Variants in ADGRA3 observed in about 807,000 individuals in gnomAD.
ADGRA3 encodes the protein adhesion G protein-coupled receptor A3.
ADGRA3 carries 56 observed loss-of-function variants against 119.8 expected under a neutral mutation model. That is an observed-to-expected ratio of 0.47 (90% CI 0.38 to 0.58). The LOEUF (loss-of-function observed/expected upper bound fraction) is 0.58. Ranked by LOEUF, ADGRA3 falls within the 20% of genes least tolerant of loss-of-function variation. The pLI, the probability that ADGRA3 is intolerant of heterozygous loss-of-function variation, is 0.00. For synonymous variants in ADGRA3, 607 were observed against 623.8 expected, an observed-to-expected ratio of 0.97 and a Z score of 0.40; for missense variants, 1,516 against 1,649.0, an observed-to-expected ratio of 0.92 and a Z score of 1.40.
In ADGRA3 at chr4:22,389,774, T is replaced by C. The variant is rs115412081; in HGVS notation, c.2628-591A>G. On this transcript the variant is annotated intron_variant, in intron 17 of 18. Transcript: ENST00000334304. ...AGAGAGGTGGGGACAGCAAGGGAAA[T>C]GATGGTGCAATAAAAACTGATTGAA... Among the ~76,000 whole-genome samples, 745 of 151,984 alleles carry C rather than the reference T, an allele frequency of 4.9e-3. 4 individuals are homozygous for C. Among genetic ancestry groups the C allele is most frequent in the African/African-American group, 0.017 (716 of 41,436 alleles).
At chr4:22,397,206 G>A (rs1436175095) in intron 16 of ADGRA3, among the ~76,000 whole-genome samples, 1 of 125,002 alleles carries the variant, frequency 8.0e-6, no homozygotes, top group Non-Finnish European at 1.6e-5. Context: ...TTTTTGAGAT[G>A]GAGTCTCGCT....
chr4:22,458,355 T>C (rs1577360856), intron 3 of ADGRA3, among the ~76,000 whole-genome samples: 1 of 152,180 alleles, frequency 6.6e-6, no homozygotes, highest in East Asian at 1.9e-4. Context: ...TTTACGGTCA[T>C]GCTCCATATC....
intron 4 of ADGRA3, among the ~76,000 whole-genome samples, chr4:22,449,211 A>C (rs998651065): frequency 3.9e-5 from 6 of 151,990 alleles, no homozygotes; most frequent in Admixed American, 1.3e-4. Context: ...CAGAGGCTGC[A>C]GTGAGCCAGG....
chr4:22,449,141 G>T (rs1716936149), intron 4 of ADGRA3, among the ~76,000 whole-genome samples: 1 of 151,804 alleles, frequency 6.6e-6, no homozygotes, highest in South Asian at 2.1e-4. Flanking sequence ...GTGGTGGTGT[G>T]TGCTTGTCAT....
chr4:22,460,912 T>A lies in ADGRA3; in HGVS notation c.401+825A>T, dbSNP rs1717422921. Reference sequence around the variant, plus strand: ...GAAAGCATAAAGGATGGAGAGACAGTCCTCATGGCTTTTGTGTAGAGCCGC... The same window carrying A: ...GAAAGCATAAAGGATGGAGAGACAGACCTCATGGCTTTTGTGTAGAGCCGC... On this transcript the variant is annotated intron_variant, in intron 3 of 18. Transcript: ENST00000334304. 2.0e-5 allele frequency among the ~76,000 whole-genome samples: 3 copies of A among 152,198 alleles called. No homozygotes were observed. In the South Asian group the frequency reaches 6.2e-4, roughly 31 times the overall value.
At chr4:22,460,145 C>A (rs1431628706) in intron 3 of ADGRA3, among the ~76,000 whole-genome samples, 1 of 152,160 alleles carries the variant, frequency 6.6e-6, no homozygotes. Context: ...GCTCTCATGG[C>A]AGGCTGTTCC....
At chr4:22,498,495 G>A (rs1038856840) in intron 1 of ADGRA3, among the ~76,000 whole-genome samples, 1 of 139,146 alleles carries the variant, frequency 7.2e-6, no homozygotes, top group African/African-American at 2.4e-5. Context: ...GCGGGCGCCT[G>A]TAATCCTAGC....
chr4:22,512,633 G>T (rs538191276), intron 1 of ADGRA3, among the ~76,000 whole-genome samples: 1 of 152,146 alleles, frequency 6.6e-6, no homozygotes, highest in East Asian at 1.9e-4. Context: ...CACACAGGGA[G>T]AAGGCCAATG....
chr4:22,459,828 G>C (rs764613097), intron 3 of ADGRA3, among the ~76,000 whole-genome samples: 2 of 152,068 alleles, frequency 1.3e-5, no homozygotes, highest in African/African-American at 2.4e-5. Context: ...TCTCCTTATT[G>C]CTATCAGGAA....
Position 22,387,675 on chromosome 4 carries a change from A to G in ADGRA3, c.*30T>C, listed in dbSNP as rs927263282. 1.3e-6 allele frequency: 2 copies of G among 1,565,166 alleles called. No individual in the cohort carries two copies. The highest frequency in any genetic ancestry group is 2.7e-5 in the African/African-American group (2 of 73,230). On this transcript the variant is annotated 3_prime_UTR_variant, in exon 19 of 19. Coordinates refer to ENST00000334304, the MANE Select transcript of ADGRA3 (RefSeq NM_145290.4). Reference sequence around the variant, plus strand: ...AAGGAATGTGAGTATCACAGTTTATATGAATTTCTGCCTAGGAAGCCCAGC... The same window carrying G: ...AAGGAATGTGAGTATCACAGTTTATGTGAATTTCTGCCTAGGAAGCCCAGC...
rs1269498639 is a variant in ADGRA3 at position 22,392,561 on chromosome 4, G to T, written c.2611C>A (p.Pro871Thr). The part of the protein sequence containing the change: ...CQDPDEPPPP[P>T]RPMLRFYLIG... The stretch of plus-strand genomic sequence containing the variant: ...ATGAGATACCTGAGCATTGGTCTTG[G>T]TGGAGGTGGTGGTTCATCAGGATCC... The change falls in exon 17 of 19, where the codon CCA (proline) becomes ACA (threonine). Residue 871 changes from proline (P) to threonine (T), a missense_variant. Physicochemically the swap from Pro to Thr is conservative, Grantham distance 38. This residue lies in a region of ADGRA3 where 1,088 missense variants were observed against 1,107.1 expected (regional missense o/e 0.98). Coordinates refer to ENST00000334304, the MANE Select transcript of ADGRA3 (RefSeq NM_145290.4). 1.2e-6 allele frequency: 2 copies of T among 1,613,860 alleles called. No homozygotes were observed. Among genetic ancestry groups the T allele is most frequent in the Non-Finnish European group, 1.7e-6 (2 of 1,179,910 alleles).
intron 1 of ADGRA3, among the ~76,000 whole-genome samples, chr4:22,490,522 T>C (rs1471732270): frequency 6.6e-6 from 1 of 152,162 alleles, no homozygotes; most frequent in Non-Finnish European, 1.5e-5. Flanking sequence ...TTTCAGAATA[T>C]ATTTGAGCAA....
chr4:22,416,215 G>A (rs1715424764), intron 12 of ADGRA3, among the ~76,000 whole-genome samples: 1 of 152,112 alleles, frequency 6.6e-6, no homozygotes, highest in Non-Finnish European at 1.5e-5. Context: ...AGGGTGGCAA[G>A]CACAAAGTTT....
chr4:22,414,483 T>C lies in ADGRA3; in HGVS notation c.1810-669A>G, dbSNP rs988121428. 6 of 535,230 alleles carry C rather than the reference T, an allele frequency of 1.1e-5. No individual in the cohort carries two copies. The African/African-American group carries it at 1.2e-4, about 10-fold the overall frequency. 33.2% of individuals were successfully genotyped at this position (535,230 alleles called of 1,614,324 possible). ...TATTCAGCATTCAGTAAAAAATATA[T>C]ATATACCAAAGAAGTGAACAATTAA... On this transcript the variant is annotated intron_variant, in intron 12 of 18. Coordinates refer to ENST00000334304, the MANE Select transcript of ADGRA3 (RefSeq NM_145290.4).
At chr4:22,455,826 T>G in intron 3 of ADGRA3, 11 of 1,288,394 alleles carry the variant, frequency 8.5e-6, no homozygotes, top group Non-Finnish European at 1.1e-5. Flanking sequence ...ATGGCATGAC[T>G]CGCATCATTG....
intron 14 of ADGRA3, 92 bp downstream of exon 14, chr4:22,413,090 A>AC (rs1259288862): frequency 2.5e-5 from 25 of 982,350 alleles, no homozygotes; most frequent in Admixed American, 1.6e-4. Flanking sequence ...AAAAAAAAAA[A>AC]ACAAAAAACA....
intron 16 of ADGRA3, among the ~76,000 whole-genome samples, chr4:22,396,024 A>G (rs1489754755): frequency 6.6e-6 from 1 of 152,194 alleles, no homozygotes. Context: ...GGTATCTTAG[A>G]TAAGATCCAG....
rs61736468 is a variant in ADGRA3, at chr4:22,402,768, G to A, written c.2264C>T (p.Ala755Val). The A allele has an allele frequency of 0.01, 16,907 of 1,613,204 alleles. 675 individuals are homozygous for A. In the African/African-American group the frequency reaches 0.12, roughly 11 times the overall value. Reference sequence around the variant, plus strand: ...AACCACAGGATGCAGGAGGCTGGCCGCCTGGGTGTATAGTTCAGATCCCGT... The same window carrying A: ...AACCACAGGATGCAGGAGGCTGGCCACCTGGGTGTATAGTTCAGATCCCGT... ...DLTGSELYTQAASLLHPVVYT... is the reference protein window; with the variant it reads ...DLTGSELYTQVASLLHPVVYT... The change falls in exon 15 of 19, where the codon GCG (alanine) becomes GTG (valine). Residue 755 changes from alanine (A) to valine (V), a missense_variant. By Grantham distance (64) the Ala-to-Val change is moderately conservative. Transcript: ENST00000334304.
At chr4:22,492,712 G>C (rs1433743732) in intron 1 of ADGRA3, among the ~76,000 whole-genome samples, 1 of 152,174 alleles carries the variant, frequency 6.6e-6, no homozygotes, top group African/African-American at 2.4e-5. Context: ...TCACTGAAAA[G>C]ATGGCTTTTT....
Sources: allele counts gnomAD v4.1 joint callset (sites outside exome capture counted in the v4.1 genomes callset), GRCh38; gene constraint gnomAD v4.1.1; regional missense constraint gnomAD v4.1.1; transcripts MANE v1.5; gene names NCBI Gene and HGNC (gene_info 2026-07-23, HGNC 2026-07-21).